Variants in EIF3H observed in about 807,000 individuals in gnomAD.
The protein encoded by EIF3H is eIF-3-gamma.
EIF3H carries 26 observed loss-of-function variants against 44.2 expected under a neutral mutation model. The observed-to-expected ratio is 0.59, with a 90% CI of 0.43 to 0.82. EIF3H has a LOEUF of 0.82. Among genes scored for constraint, EIF3H ranks in the 40% least tolerant of loss-of-function variants. The probability of loss-of-function intolerance (pLI) is 0.00; values close to 1 mark genes in which losing one functional copy is unlikely to be tolerated. For missense variants in EIF3H, 359 were observed against 432.8 expected (o/e 0.83, Z 1.51); for synonymous variants, 166 against 151.9 (o/e 1.09, Z -0.68).
At chr8:116,726,921 GT>G (rs1312998792) in intron 1 of EIF3H, among the ~76,000 whole-genome samples, 1 of 152,128 alleles carries the variant, frequency 6.6e-6, no homozygotes, top group Non-Finnish European at 1.5e-5. Flanking sequence ...TATGTAAAGT[GT>G]TTTATAGTGC....
At chr8:116,706,519 C>T (rs2130890299) in intron 2 of EIF3H, among the ~76,000 whole-genome samples, 1 of 152,092 alleles carries the variant, frequency 6.6e-6, no homozygotes, top group Non-Finnish European at 1.5e-5. Context: ...ATATTTAACA[C>T]TTTATTTATT....
chr8:116,679,142 C>A, intron 2 of EIF3H, among the ~76,000 whole-genome samples: 1 of 74,220 alleles, frequency 1.3e-5, no homozygotes, highest in Non-Finnish European at 3.6e-5. Flanking sequence ...CCTGCCCGGC[C>A]AGCCGCCCCG....
intron 2 of EIF3H, 49 bp downstream of exon 2, chr8:116,725,967 T>C (rs1438328580): frequency 1.3e-6 from 2 of 1,571,644 alleles, no homozygotes; most frequent in African/African-American, 1.4e-5. Context: ...CCTGTGTCAA[T>C]ATCCATTTGT....
chr8:116,738,233 T>C (rs1366505459), intron 1 of EIF3H, among the ~76,000 whole-genome samples: 1 of 152,182 alleles, frequency 6.6e-6, no homozygotes, highest in Non-Finnish European at 1.5e-5. Flanking sequence ...AAACTAACGT[T>C]TCATTTTTTC....
chr8:116,728,890 A>G (rs999719872), intron 1 of EIF3H, among the ~76,000 whole-genome samples: 1 of 152,316 alleles, frequency 6.6e-6, no homozygotes, highest in East Asian at 1.9e-4. Flanking sequence ...CACAGTATAG[A>G]GTTCTCTGCA....
At chr8:116,666,753 C>CAAAA (rs56700266) in intron 2 of EIF3H, among the ~76,000 whole-genome samples, 36,942 of 71,272 alleles carry the variant, frequency 0.52, 11,418 homozygotes, top group Non-Finnish European at 0.61. Flanking sequence ...TAGTGTTAGG[C>CAAAA]AAAAAAAAAA....
rs550218573 is a variant in EIF3H at position 116,751,910 on chromosome 8, C to G, written c.132+3756G>C. 2.0e-5 allele frequency among the ~76,000 whole-genome samples: 3 copies of G among 152,222 alleles called. No homozygotes were observed. The East Asian group carries it at 5.8e-4, about 29-fold the overall frequency. On this transcript the variant is annotated intron_variant, in intron 1 of 7. Coordinates refer to ENST00000521861, the MANE Select transcript of EIF3H (RefSeq NM_003756.3). ...CAATGTCATGCAGCAAATTTCAGAG[C>G]TGGGATTCAAATCCAAGCAGTCTGG...
At chr8:116,651,631 T>C (rs1813395275) in intron 5 of EIF3H, among the ~76,000 whole-genome samples, 3 of 152,236 alleles carry the variant, frequency 2.0e-5, no homozygotes, top group African/African-American at 7.2e-5. Context: ...AGTGCTTCTT[T>C]CATATTTATT....
chr8:116,722,455 A>C (rs566384234), intron 2 of EIF3H, among the ~76,000 whole-genome samples: 2 of 152,206 alleles, frequency 1.3e-5, no homozygotes, highest in Non-Finnish European at 2.9e-5. Context: ...AATTTTACCA[A>C]TAAAGCTGAA....
At chr8:116,750,624 C>T (rs538266370) in intron 1 of EIF3H, among the ~76,000 whole-genome samples, 19 of 151,738 alleles carry the variant, frequency 1.3e-4, no homozygotes, top group Admixed American at 1.1e-3. Flanking sequence ...TTAGCCAGGA[C>T]GGTCTTGATC....
At chr8:116,755,916 A>G, upstream of EIF3H, 1 of 1,545,036 alleles carries the variant, frequency 6.5e-7, no homozygotes, top group Non-Finnish European at 8.7e-7. Flanking sequence ...AGAAGCCAAA[A>G]TTGGGCCCCG....
chr8:116,681,614 C>T (rs185702495), intron 2 of EIF3H, among the ~76,000 whole-genome samples: 7,213 of 144,156 alleles, frequency 0.05, 301 homozygotes, highest in Admixed American at 0.15. Context: ...TGTAGTGAGC[C>T]GAGATCGAGC....
rs143959908 is a variant in EIF3H at position 116,736,620 on chromosome 8, C to T, written c.133-10448G>A. 9.9e-5 allele frequency among the ~76,000 whole-genome samples: 15 copies of T among 152,250 alleles called. No individual in the cohort carries two copies. The East Asian group carries it at 2.9e-3, about 29-fold the overall frequency. ...GAGTTTGCAGGGAGCCGAGATCGCG[C>T]CTTTGCACTCCAGCCTGGGCGACAG... On this transcript the variant is annotated intron_variant, in intron 1 of 7. Coordinates refer to ENST00000521861, the MANE Select transcript of EIF3H (RefSeq NM_003756.3).
intron 1 of EIF3H, among the ~76,000 whole-genome samples, chr8:116,750,332 T>C (rs1815309015): frequency 5.9e-5 from 1 of 16,992 alleles, no homozygotes; most frequent in Admixed American, 4.7e-4. Context: ...AGAAAGAACT[T>C]CATGAACAAA....
chr8:116,725,825 A>G (rs1480999952), intron 2 of EIF3H, among the ~76,000 whole-genome samples, 191 bp downstream of exon 2: 1 of 152,232 alleles, frequency 6.6e-6, no homozygotes, highest in Admixed American at 6.5e-5. Flanking sequence ...GTAAAGGCCA[A>G]ACTAATGATG....
intron 2 of EIF3H, among the ~76,000 whole-genome samples, chr8:116,704,496 T>C (rs778774915): frequency 2.6e-5 from 4 of 152,214 alleles, no homozygotes; most frequent in African/African-American, 4.8e-5. Context: ...GCTTAAAAGA[T>C]AGAGGGGAAA....
intron 2 of EIF3H, among the ~76,000 whole-genome samples, chr8:116,680,475 T>G (rs1325227324): frequency 8.1e-5 from 6 of 74,164 alleles, no homozygotes; most frequent in Admixed American, 4.1e-4. Context: ...CATTTTGTTC[T>G]GTACTAAGAA....
intron 2 of EIF3H, among the ~76,000 whole-genome samples, chr8:116,720,231 GATTTAA>G (rs1288447711): frequency 2.0e-5 from 3 of 151,936 alleles, no homozygotes; most frequent in African/African-American, 4.8e-5. Flanking sequence ...ACAATTGTTT[GATTTAA>G]ATTTAAAATT....
chr8:116,755,884 T>C, upstream of EIF3H: 1 of 1,578,844 alleles, frequency 6.3e-7, no homozygotes, highest in East Asian at 2.3e-5. Flanking sequence ...CAGGCCGGCG[T>C]TCGAGGGGCG....
Sources: allele counts gnomAD v4.1 joint callset (sites outside exome capture counted in the v4.1 genomes callset), GRCh38; gene constraint gnomAD v4.1.1; transcripts MANE v1.5; gene names NCBI Gene and HGNC (gene_info 2026-07-23, HGNC 2026-07-21).